The following GRAMD4 variants were observed in gnomAD, a reference collection of about 807,000 sequenced individuals.
The protein encoded by GRAMD4 is GRAM domain-containing protein 4.
A neutral mutation model predicts 83.9 loss-of-function variants in GRAMD4; 25 were observed. That is an observed-to-expected ratio of 0.30 (90% confidence interval 0.22 to 0.42). GRAMD4 has a LOEUF of 0.42. Ranked by LOEUF, GRAMD4 falls within the 10% of genes least tolerant of loss-of-function variation. GRAMD4 has a pLI of 1.00. For missense variants in GRAMD4, 593 were observed against 788.7 expected, an observed-to-expected ratio of 0.75 and a Z score of 2.97; for synonymous variants, 336 against 320.9, an observed-to-expected ratio of 1.05 and a Z score of -0.50.
At chr22:46,635,455 G>A (rs1281662136) in intron 2 of GRAMD4, among the ~76,000 whole-genome samples, 75 of 57,492 alleles carry the variant, frequency 1.3e-3, no homozygotes, top group Middle Eastern at 0.013. Context: ...GTCCTGGGAG[G>A]CCGTGTCCTC....
chr22:46,640,844 T>G (rs895030498), intron 3 of GRAMD4, among the ~76,000 whole-genome samples: 1 of 130,706 alleles, frequency 7.7e-6, no homozygotes, highest in Non-Finnish European at 1.6e-5. Flanking sequence ...CCGCCGAGGT[T>G]TTGGAGCAAA....
At chr22:46,635,469 GC>G (rs1247929845) in intron 2 of GRAMD4, among the ~76,000 whole-genome samples, 4 of 100,558 alleles carry the variant, frequency 4.0e-5, no homozygotes, top group Middle Eastern at 6.6e-3. Flanking sequence ...TGTCCTCCCT[GC>G]CCCCACCCCT....
At chr22:46,611,176 A>G (rs1450387813) in intron 1 of GRAMD4, among the ~76,000 whole-genome samples, 1 of 151,074 alleles carries the variant, frequency 6.6e-6, no homozygotes, top group African/African-American at 2.4e-5. Context: ...GGATCACGCC[A>G]TTGCAGTCCA....
intron 3 of GRAMD4, among the ~76,000 whole-genome samples, chr22:46,647,883 C>T (rs1035082390): frequency 1.3e-5 from 2 of 152,242 alleles, no homozygotes; most frequent in African/African-American, 4.8e-5. Context: ...AGTACTGATG[C>T]AGCAGTTGGC....
At chr22:46,591,871 C>T (rs1315111957) in intron 1 of GRAMD4, among the ~76,000 whole-genome samples, 4 of 148,082 alleles carry the variant, frequency 2.7e-5, no homozygotes, top group Non-Finnish European at 6.0e-5. Flanking sequence ...GGCCAACCCC[C>T]GCACCCCTCA....
intron 2 of GRAMD4, among the ~76,000 whole-genome samples, chr22:46,633,861 G>A (rs962529432): frequency 1.3e-5 from 2 of 152,162 alleles, no homozygotes; most frequent in African/African-American, 4.8e-5. Context: ...GTGTGGGGCT[G>A]GGACTTGGGA....
intron 3 of GRAMD4, among the ~76,000 whole-genome samples, chr22:46,653,339 G>A (rs956009874): frequency 1.7e-4 from 26 of 152,188 alleles, no homozygotes; most frequent in African/African-American, 4.8e-5. Flanking sequence ...GAAGATGGCC[G>A]GGCTCTGGCG....
chr22:46,641,004 T>G (rs2081967735), intron 3 of GRAMD4, among the ~76,000 whole-genome samples: 1 of 152,210 alleles, frequency 6.6e-6, no homozygotes, highest in African/African-American at 2.4e-5. Context: ...TAAGCTCAAA[T>G]TTCCCTGATA....
intron 11 of GRAMD4, 111 bp from the exon 12 acceptor site, chr22:46,668,578 G>A: frequency 1.0e-6 from 1 of 994,154 alleles, no homozygotes; most frequent in Non-Finnish European, 1.6e-6. Flanking sequence ...CAGGACCACA[G>A]GGCTCCGAGT....
intron 2 of GRAMD4, among the ~76,000 whole-genome samples, chr22:46,632,369 G>A (rs1369347974): frequency 1.3e-5 from 2 of 152,200 alleles, no homozygotes; most frequent in Non-Finnish European, 2.9e-5. Flanking sequence ...GAAGACCCAC[G>A]CCCCATCTTG....
At chr22:46,589,238 C>T (rs1376554537) in intron 1 of GRAMD4, among the ~76,000 whole-genome samples, 1 of 145,998 alleles carries the variant, frequency 6.8e-6, no homozygotes, top group Non-Finnish European at 1.5e-5. Context: ...GAGGGCAGCC[C>T]TGGCTCTTGG....
chr22:46,676,185 A>G (rs565362165), intron 17 of GRAMD4, among the ~76,000 whole-genome samples: 1 of 152,280 alleles, frequency 6.6e-6, no homozygotes, highest in African/African-American at 2.4e-5. Context: ...GCTCTGGAAA[A>G]AAGCGTGCAG....
chr22:46,588,495 C>G (rs1185189029), intron 1 of GRAMD4, among the ~76,000 whole-genome samples: 1 of 152,200 alleles, frequency 6.6e-6, no homozygotes, highest in Non-Finnish European at 1.5e-5. Context: ...CAAACCACTA[C>G]AGAGGGCAAG....
Position 46,638,211 on chromosome 22 carries a change from G to A in GRAMD4, c.283+251G>A, listed in dbSNP as rs1601610371. On this transcript the variant is annotated intron_variant, in intron 3 of 18. Transcript: ENST00000406902. Reference sequence around the variant, plus strand: ...CCGGCACTCAAGGTTGCTCCACAGGGGCTGGGGGCGTGGGGGCCTTTCCCC... The same window carrying A: ...CCGGCACTCAAGGTTGCTCCACAGGAGCTGGGGGCGTGGGGGCCTTTCCCC... Among the ~76,000 whole-genome samples, 3 of 152,272 alleles carry A rather than the reference G, an allele frequency of 2.0e-5. No individual in the cohort carries two copies. The South Asian group carries it at 6.2e-4, about 31-fold the overall frequency.
intron 3 of GRAMD4, among the ~76,000 whole-genome samples, chr22:46,639,081 G>T (rs1347343794): frequency 6.6e-6 from 1 of 152,238 alleles, no homozygotes; most frequent in Admixed American, 6.5e-5. Context: ...ACTGGACTGT[G>T]TGTGTGCTTA....
At chr22:46,648,985 T>TGC (rs2082126766) in intron 3 of GRAMD4, among the ~76,000 whole-genome samples, 2 of 150,362 alleles carry the variant, frequency 1.3e-5, no homozygotes, top group African/African-American at 2.5e-5. Context: ...GATGGATGGA[T>TGC]AGGTAGACAA....
intron 1 of GRAMD4, among the ~76,000 whole-genome samples, chr22:46,612,845 G>T (rs1261786371): frequency 6.6e-6 from 1 of 152,230 alleles, no homozygotes; most frequent in Non-Finnish European, 1.5e-5. Context: ...CCCTGACGCG[G>T]TCTCCTGCTT....
rs548874643 is a variant in GRAMD4 at position 46,675,637 on chromosome 22, T to G, written c.1563+85T>G. ...TGGCGAGGCTTTCCCTATAGACTTC[T>G]GCCAGCCTCTGTCAGCATCTGGGCG... is the stretch of plus-strand genomic sequence containing the variant. On this transcript the variant is annotated intron_variant, in intron 17 of 18. Coordinates refer to ENST00000406902, the MANE Select transcript of GRAMD4 (RefSeq NM_015124.5). 1.6e-5 allele frequency: 14 copies of G among 870,302 alleles called. No homozygotes were observed. The African/African-American group carries it at 2.2e-4, about 13-fold the overall frequency. 53.9% of individuals were successfully genotyped at this position (870,302 alleles called of 1,614,324 possible).
chr22:46,640,554 G>A (rs6008936), intron 3 of GRAMD4, among the ~76,000 whole-genome samples: 49,018 of 152,044 alleles, frequency 0.32, 8,441 homozygotes, highest in African/African-American at 0.37. Context: ...TCTGTCCTCA[G>A]CATTTGCCAA....
Sources: gnomAD v4.1 joint callset for allele counts (sites outside exome capture counted in the v4.1 genomes callset) on GRCh38, gnomAD v4.1.1 for gene constraint, MANE v1.5 for transcripts, NCBI Gene and HGNC (gene_info 2026-07-23, HGNC 2026-07-21) for gene names.